The following ATP8B4 variants were observed in gnomAD, a reference collection of about 807,000 sequenced individuals.
ATP8B4 encodes the protein probable phospholipid-transporting ATPase IM.
In ATP8B4, 133 loss-of-function variants were observed where a neutral mutation model predicts 145.6. The observed-to-expected ratio is 0.91, with a 90% CI of 0.79 to 1.05. ATP8B4 has a LOEUF of 1.05. ATP8B4 is among the 50% of genes least tolerant of loss of function. The pLI, the probability that ATP8B4 is intolerant of heterozygous loss-of-function variation, is 0.00. For synonymous variants in ATP8B4, 507 were observed against 492.9 expected, an observed-to-expected ratio of 1.03 and a Z score of -0.38; for missense variants, 1,458 against 1,425.2, an observed-to-expected ratio of 1.02 and a Z score of -0.37.
At chr15:50,090,671 G>A (rs1203628883) in intron 2 of ATP8B4, among the ~76,000 whole-genome samples, 1 of 152,094 alleles carries the variant, frequency 6.6e-6, no homozygotes, top group Non-Finnish European at 1.5e-5. Flanking sequence ...ATGAATGAAT[G>A]ACTAGTCAAT....
chr15:49,951,602 A>G (rs2043109601), intron 14 of ATP8B4, among the ~76,000 whole-genome samples: 1 of 152,046 alleles, frequency 6.6e-6, no homozygotes, highest in Non-Finnish European at 1.5e-5. Flanking sequence ...ACATAAGATG[A>G]GTCTCCTGAA....
chr15:50,121,655 G>A (rs2057271661), upstream of ATP8B4, among the ~76,000 whole-genome samples: 1 of 151,768 alleles, frequency 6.6e-6, no homozygotes, highest in African/African-American at 2.4e-5. Flanking sequence ...TCTCGATTTA[G>A]GATACAAGAA....
chr15:50,129,946 CAAAAAAA>C (rs59921497), intron 1 of ATP8B4, among the ~76,000 whole-genome samples: 5 of 88,156 alleles, frequency 5.7e-5, no homozygotes, highest in African/African-American at 1.9e-4. Context: ...GACTCTGACT[CAAAAAAA>C]AAAAAAAAAA....
intron 7 of ATP8B4, among the ~76,000 whole-genome samples, chr15:50,006,590 G>A (rs921074726): frequency 6.6e-6 from 1 of 150,426 alleles, no homozygotes; most frequent in African/African-American, 2.5e-5. Context: ...AAGAGCAAAA[G>A]CCCACCCCAG....
intron 6 of ATP8B4, among the ~76,000 whole-genome samples, chr15:50,031,240 A>G (rs2050413987): frequency 6.6e-6 from 1 of 152,202 alleles, no homozygotes; most frequent in African/African-American, 2.4e-5. Context: ...TTTTTAAAAA[A>G]AGAATCAAGT....
chr15:50,130,188 C>T (rs984434990), intron 1 of ATP8B4, among the ~76,000 whole-genome samples: 3 of 152,166 alleles, frequency 2.0e-5, no homozygotes, highest in African/African-American at 7.2e-5. Flanking sequence ...TGCATTCTCA[C>T]TTCCTCTAGG....
At chr15:50,110,825 T>A (rs1315306290) in intron 1 of ATP8B4, among the ~76,000 whole-genome samples, 1 of 152,148 alleles carries the variant, frequency 6.6e-6, no homozygotes, top group Non-Finnish European at 1.5e-5. Context: ...ATGTAGCAAA[T>A]AATAGCTAAG....
At chr15:50,006,105 T>G (rs1334089433) in intron 7 of ATP8B4, among the ~76,000 whole-genome samples, 1 of 152,186 alleles carries the variant, frequency 6.6e-6, no homozygotes, top group Admixed American at 6.5e-5. Context: ...TATTTAAAAT[T>G]TAAATTTCAG....
intron 3 of ATP8B4, among the ~76,000 whole-genome samples, chr15:50,057,404 T>C (rs1177906174): frequency 1.3e-5 from 2 of 152,206 alleles, no homozygotes; most frequent in African/African-American, 4.8e-5. Flanking sequence ...TTCTCCCAAA[T>C]GGTGTTTCGT....
intron 17 of ATP8B4, 105 bp downstream of exon 17, chr15:49,923,274 T>C: frequency 1.3e-6 from 1 of 798,338 alleles, no homozygotes; most frequent in Non-Finnish European, 2.1e-6. Context: ...AGATGCTTTC[T>C]ATTTCAGTAG....
At chr15:50,004,930 C>T (rs916042457) in intron 7 of ATP8B4, among the ~76,000 whole-genome samples, 3 of 152,160 alleles carry the variant, frequency 2.0e-5, no homozygotes, top group Middle Eastern at 3.4e-3. Context: ...GAGAGTGCAA[C>T]GTTGGGTTGG....
intron 12 of ATP8B4, among the ~76,000 whole-genome samples, chr15:49,977,891 A>C (rs758322946): frequency 9.2e-5 from 14 of 152,154 alleles, no homozygotes; most frequent in Non-Finnish European, 1.3e-4. Flanking sequence ...CATATTTGAC[A>C]AGCAAACTAA....
At chr15:50,141,867 T>C (rs2044217051) in intron 1 of ATP8B4, among the ~76,000 whole-genome samples, 1 of 152,134 alleles carries the variant, frequency 6.6e-6, no homozygotes, top group Non-Finnish European at 1.5e-5. Context: ...ACACACAACA[T>C]ATTTCCCTGA....
At chr15:50,160,763 A>G (rs2044506229) in intron 1 of ATP8B4, among the ~76,000 whole-genome samples, 1 of 152,020 alleles carries the variant, frequency 6.6e-6, no homozygotes, top group East Asian at 1.9e-4. Context: ...CAATTTTTTG[A>G]AAGTTTTAAG....
intron 14 of ATP8B4, among the ~76,000 whole-genome samples, chr15:49,951,341 T>C (rs758654082): frequency 2.0e-5 from 3 of 152,216 alleles, no homozygotes; most frequent in Non-Finnish European, 4.4e-5. Flanking sequence ...TAAGTCTCTG[T>C]AGATCTCTAA....
At chr15:50,058,444 T>C (rs546692200) in intron 3 of ATP8B4, among the ~76,000 whole-genome samples, 11 of 152,296 alleles carry the variant, frequency 7.2e-5, no homozygotes, top group Admixed American at 5.9e-4. Flanking sequence ...AAGACCTCAG[T>C]GTTTACAACA....
At chr15:49,892,772 T>C (rs1296273279) in intron 23 of ATP8B4, among the ~76,000 whole-genome samples, 2 of 152,160 alleles carry the variant, frequency 1.3e-5, no homozygotes, top group Non-Finnish European at 2.9e-5. Flanking sequence ...AGAAATACCA[T>C]TATCAATGCC....
At chr15:50,163,729 C>T (rs545511756) in intron 1 of ATP8B4, among the ~76,000 whole-genome samples, 1 of 152,184 alleles carries the variant, frequency 6.6e-6, no homozygotes, top group Non-Finnish European at 1.5e-5. Flanking sequence ...CTACAAGATC[C>T]CCCTAGCCCT....
chr15:50,047,575 T>C (rs2051821264), intron 3 of ATP8B4, 111 bp from the exon 4 acceptor site: 8 of 714,494 alleles, frequency 1.1e-5, no homozygotes, highest in South Asian at 4.9e-5. Flanking sequence ...GCCGGTTATC[T>C]AGGAAATTTC....
Sources: allele counts gnomAD v4.1 joint callset (sites outside exome capture counted in the v4.1 genomes callset), GRCh38; gene constraint gnomAD v4.1.1; transcripts MANE v1.5; gene names NCBI Gene and HGNC (gene_info 2026-07-23, HGNC 2026-07-21).